The following KCNIP4 variants were observed in gnomAD, a reference collection of about 807,000 sequenced individuals.
The protein encoded by KCNIP4 is potassium voltage-gated channel interacting protein 4, also known as Kv channel-interacting protein 4.
KCNIP4 carries 12 observed loss-of-function variants against 34.0 expected under a neutral mutation model. The ratio of observed to expected loss-of-function variants is 0.35; its 90% confidence interval spans 0.23 to 0.57. KCNIP4 has a LOEUF of 0.57. Among genes scored for constraint, KCNIP4 ranks in the 20% least tolerant of loss-of-function variants. KCNIP4 has a pLI of 0.83. For missense variants in KCNIP4, 238 were observed against 311.7 expected, an observed-to-expected ratio of 0.76 and a Z score of 1.78; for synonymous variants, 124 against 102.2, an observed-to-expected ratio of 1.21 and a Z score of -1.29.
intron 1 of KCNIP4, among the ~76,000 whole-genome samples, chr4:21,512,625 C>T (rs531106819): frequency 1.3e-4 from 20 of 152,262 alleles, no homozygotes; most frequent in African/African-American, 4.8e-4. Flanking sequence ...ATTCTCAACA[C>T]ATATACATGA....
chr4:20,730,543 G>A (rs1747811567), intron 8 of KCNIP4, among the ~76,000 whole-genome samples: 1 of 151,918 alleles, frequency 6.6e-6, no homozygotes, highest in Non-Finnish European at 1.5e-5. Context: ...GTGTGTATGA[G>A]CCAGCAGTTC....
intron 3 of KCNIP4, among the ~76,000 whole-genome samples, chr4:20,831,717 T>G (rs190328230): frequency 3.3e-5 from 5 of 152,184 alleles, no homozygotes; most frequent in African/African-American, 4.8e-5. Flanking sequence ...TTGCCTTCCA[T>G]GAGGAGACTA....
chr4:21,180,851 C>T (rs1279791071), intron 1 of KCNIP4, among the ~76,000 whole-genome samples: 1 of 151,614 alleles, frequency 6.6e-6, no homozygotes, highest in Admixed American at 6.6e-5. Flanking sequence ...TATGTGAATA[C>T]ACTATGATTA....
At chr4:21,783,781 AG>A (rs1191541207) in intron 1 of KCNIP4, among the ~76,000 whole-genome samples, 1 of 152,178 alleles carries the variant, frequency 6.6e-6, no homozygotes, top group African/African-American at 2.4e-5. Context: ...GGGTAAACAG[AG>A]CTTAATCCCT....
intron 5 of KCNIP4, among the ~76,000 whole-genome samples, chr4:20,747,196 C>A (rs1189535299): frequency 6.6e-6 from 1 of 152,064 alleles, no homozygotes; most frequent in African/African-American, 2.4e-5. Context: ...ATCATTAACA[C>A]CATACTAAAT....
At chr4:20,854,411 G>A (rs978819806) in intron 2 of KCNIP4, among the ~76,000 whole-genome samples, 2 of 152,172 alleles carry the variant, frequency 1.3e-5, no homozygotes, top group African/African-American at 4.8e-5. Flanking sequence ...AACCTCGTGT[G>A]TTCTCACTGA....
intron 4 of KCNIP4, among the ~76,000 whole-genome samples, chr4:20,756,146 C>CA (rs1553890529): frequency 6.6e-6 from 1 of 150,394 alleles, no homozygotes; most frequent in Non-Finnish European, 1.5e-5. Context: ...CAGGAGATAA[C>CA]GGTGGCTCCT....
chr4:20,795,400 C>T (rs1241599807), intron 3 of KCNIP4, among the ~76,000 whole-genome samples: 1 of 152,138 alleles, frequency 6.6e-6, no homozygotes, highest in African/African-American at 2.4e-5. Flanking sequence ...TAGCAACTCT[C>T]AAGTTGCTTT....
chr4:21,848,201 C>T (rs560964876), intron 1 of KCNIP4: 5 of 152,120 alleles, frequency 3.3e-5, no homozygotes. Flanking sequence ...ACCACTCACC[C>T]TGAAAAGCCC....
intron 1 of KCNIP4, among the ~76,000 whole-genome samples, chr4:21,578,057 CG>C (rs897103684): frequency 1.7e-4 from 25 of 151,382 alleles, no homozygotes; most frequent in African/African-American, 6.1e-4. Flanking sequence ...GAGTTCAGGC[CG>C]GGCGCGGTGG....
rs968331411 is a variant in KCNIP4, at chr4:20,728,692, C to A, written c.*1390G>T. ...TTGAGTTTACACAAACACGTGATGGCAAATTTCAGTGTACATGTATTGTAC... is the reference window on the plus strand; with the variant it reads ...TTGAGTTTACACAAACACGTGATGGAAAATTTCAGTGTACATGTATTGTAC... On this transcript the variant is annotated 3_prime_UTR_variant, in exon 9 of 9. Transcript: ENST00000382152. 1 of 152,508 alleles carries A rather than the reference C, an allele frequency of 6.6e-6. No individual in the cohort carries two copies. Among genetic ancestry groups the A allele is most frequent in the Non-Finnish European group, 1.5e-5 (1 of 68,014 alleles). The allele number at this position is 152,508 out of a possible 1,614,324, so 9.4% of individuals were successfully genotyped here. A position where few individuals can be genotyped will look rare whatever the true frequency, so the allele number is the denominator to read the frequency against.
intron 1 of KCNIP4, among the ~76,000 whole-genome samples, chr4:21,911,823 A>G (rs1442383305): frequency 1.3e-5 from 2 of 152,008 alleles, no homozygotes; most frequent in African/African-American, 4.8e-5. Flanking sequence ...ACAGACACGG[A>G]TTCTTCATCA....
At chr4:21,431,527 C>T (rs1016237151) in intron 1 of KCNIP4, among the ~76,000 whole-genome samples, 1 of 151,928 alleles carries the variant, frequency 6.6e-6, no homozygotes, top group Non-Finnish European at 1.5e-5. Context: ...CAATGATGTT[C>T]AGACATTTAT....
chr4:21,237,817 T>C (rs1319546215), intron 1 of KCNIP4, among the ~76,000 whole-genome samples: 35 of 152,158 alleles, frequency 2.3e-4, no homozygotes, highest in African/African-American at 7.5e-4. Context: ...GGAGCTGTTA[T>C]CATTCCTTCT....
At chr4:21,520,287 T>C (rs1384439961) in intron 1 of KCNIP4, among the ~76,000 whole-genome samples, 1 of 152,094 alleles carries the variant, frequency 6.6e-6, no homozygotes, top group African/African-American at 2.4e-5. Flanking sequence ...GTATTAACCA[T>C]CACAAGGCCC....
At chr4:21,225,243 T>C (rs1352268402) in intron 1 of KCNIP4, among the ~76,000 whole-genome samples, 1 of 152,188 alleles carries the variant, frequency 6.6e-6, no homozygotes, top group Non-Finnish European at 1.5e-5. Context: ...CAGGTTTTCA[T>C]ATTAGTGTCC....
chr4:21,608,182 A>G (rs1462750539), intron 1 of KCNIP4, among the ~76,000 whole-genome samples: 4 of 152,084 alleles, frequency 2.6e-5, no homozygotes, highest in African/African-American at 9.7e-5. Context: ...AATTACCACA[A>G]CCTTAGAAGC....
intron 1 of KCNIP4, among the ~76,000 whole-genome samples, chr4:21,346,902 A>G (rs1289900590): frequency 1.3e-5 from 2 of 152,298 alleles, no homozygotes; most frequent in South Asian, 2.1e-4. Context: ...CTACGATCAA[A>G]CCACCAAATC....
chr4:21,491,046 T>G (rs566335096), intron 1 of KCNIP4, among the ~76,000 whole-genome samples: 1 of 151,822 alleles, frequency 6.6e-6, no homozygotes, highest in Non-Finnish European at 1.5e-5. Context: ...TGGCTTATAC[T>G]ATTTTTTTTA....
Sources: allele counts gnomAD v4.1 joint callset (sites outside exome capture counted in the v4.1 genomes callset), GRCh38; gene constraint gnomAD v4.1.1; transcripts MANE v1.5; gene names NCBI Gene and HGNC (gene_info 2026-07-23, HGNC 2026-07-21).